Variants in AKAP13 observed in about 807,000 individuals in gnomAD.
AKAP13 encodes A-kinase anchor protein 13.
In AKAP13, 80 loss-of-function variants were observed where a neutral mutation model predicts 264.5. That is an observed-to-expected ratio of 0.30 (90% CI 0.25 to 0.36). AKAP13 has a LOEUF of 0.36. Among genes scored for constraint, AKAP13 ranks in the 10% least tolerant of loss-of-function variants. AKAP13 has a pLI of 1.00. For missense variants in AKAP13, 3,712 were observed against 3,435.2 expected, an observed-to-expected ratio of 1.08 and a Z score of -2.01; for synonymous variants, 1,380 against 1,250.2, an observed-to-expected ratio of 1.10 and a Z score of -2.19.
At position 85,719,221 on chromosome 15, in the gene AKAP13, T is replaced by C. The variant is rs779840286; in HGVS notation, c.6147T>C (p.His2049=). The stretch of plus-strand genomic sequence containing the variant: ...GTTTGGATGAGCTGATCAGTATCCA[T>C]AGCCAATTCTTCCAGAGGATTCTGG... ...FPCLDELISI[H]SQFFQRILER... is the part of the protein sequence containing the mutation. Residue 2049 remains histidine, a synonymous_variant, in exon 23 of 37, where the codon CAT becomes CAC. Transcript: ENST00000394518. 1.8e-5 allele frequency: 29 copies of C among 1,614,074 alleles called. No individual in the cohort carries two copies. The highest frequency in any genetic ancestry group is 6.7e-5 in the East Asian group (3 of 44,894).
In AKAP13 at chr15:85,667,049, CTG is replaced by C. The variant is rs577672612; in HGVS notation, c.4992+2296_4992+2297del. Among the ~76,000 whole-genome samples, 87 of 152,198 alleles carry C rather than the reference CTG, an allele frequency of 5.7e-4. No homozygotes were observed. The East Asian group carries it at 7.9e-3, about 14-fold the overall frequency. ...GAAACACTTACAATTTAAAAAAAAA[CTG>C]TTTTTGAATAGATGACTGGAGTTTG... On this transcript the variant is annotated intron_variant, in intron 13 of 36. Coordinates refer to ENST00000394518, the MANE Select transcript of AKAP13 (RefSeq NM_007200.5).
rs752255939 is a variant in AKAP13 at position 85,580,450 on chromosome 15, A to G, written c.2382A>G (p.Glu794=). ...TFSLANSPGS[E]SVTKDDALSF... is the part of the protein sequence containing the mutation. ...CTCTGGCAAACAGTCCAGGCAGTGA[A>G]TCAGTAACCAAGGATGACGCACTTT... Residue 794 remains glutamate, a synonymous_variant, in exon 7 of 37, where the codon GAA becomes GAG. Coordinates refer to ENST00000394518, the MANE Select transcript of AKAP13 (RefSeq NM_007200.5). The G allele has an allele frequency of 3.1e-6, 5 of 1,614,250 alleles. No homozygotes were observed. The Admixed American group carries it at 5.0e-5, about 16-fold the overall frequency.
rs772699182 is a variant in AKAP13, at chr15:85,744,683, T to C, written c.*6T>C. ...GTGAAGAGATCTTCTGCTGACCCTC[T>C]TCCTCTCTGCTGAGGCAGCTGCCTC... On this transcript the variant is annotated 3_prime_UTR_variant, in exon 37 of 37. Transcript: ENST00000394518. 1.3e-5 allele frequency: 21 copies of C among 1,601,360 alleles called. No individual in the cohort carries two copies. In the East Asian group the frequency reaches 4.7e-4, roughly 36 times the overall value.
At chr15:85,421,184 C>A (rs1187195296) in intron 1 of AKAP13, among the ~76,000 whole-genome samples, 1 of 152,144 alleles carries the variant, frequency 6.6e-6, no homozygotes, top group African/African-American at 2.4e-5. Flanking sequence ...CAGTCCAAGG[C>A]ACATATAATT....
At position 85,723,272 on chromosome 15, in the gene AKAP13, G is replaced by A. The variant is rs376932632; in HGVS notation, c.6697G>A (p.Val2233Ile). Residue 2233 changes from valine to isoleucine, a missense_variant, in exon 26 of 37, where the codon GTA (valine) becomes ATA (isoleucine). Val to Ile is a conservative substitution (Grantham distance 29, BLOSUM62 3). Coordinates refer to ENST00000394518, the MANE Select transcript of AKAP13 (RefSeq NM_007200.5). Reference protein sequence around the residue: ...AKEDLKRKKLVRDGSVFLKNA... With the variant: ...AKEDLKRKKLIRDGSVFLKNA... ...GGAAGATTTGAAACGGAAGAAGCTTGTACGTGATGGGAGTGTGTTTCTGAA... is the reference window on the plus strand; with the variant it reads ...GGAAGATTTGAAACGGAAGAAGCTTATACGTGATGGGAGTGTGTTTCTGAA... The A allele has an allele frequency of 6.2e-7, 1 of 1,614,146 alleles. No homozygotes were observed. The highest frequency in any genetic ancestry group is 1.1e-5 in the South Asian group (1 of 91,078).
chr15:85,420,461 A>G (rs1296946236), intron 1 of AKAP13, among the ~76,000 whole-genome samples: 3 of 152,162 alleles, frequency 2.0e-5, no homozygotes, highest in Admixed American at 6.5e-5. Context: ...GAATGGATGC[A>G]GGGTATGGTA....
At chr15:85,595,923 C>CA (rs2079804910) in intron 8 of AKAP13, among the ~76,000 whole-genome samples, 1 of 152,104 alleles carries the variant, frequency 6.6e-6, no homozygotes, top group Admixed American at 6.5e-5. Flanking sequence ...GAAATTGAAA[C>CA]AAGTAGTATT....
At position 85,534,088 on chromosome 15, in the gene AKAP13, C is replaced by G. The variant is rs1051895147; in HGVS notation, c.478+208C>G. 3 of 530,214 alleles carry G rather than the reference C, an allele frequency of 5.7e-6. No individual in the cohort carries two copies. The African/African-American group carries it at 5.8e-5, about 10-fold the overall frequency. 32.8% of individuals were successfully genotyped at this position (530,214 alleles called of 1,614,324 possible). On this transcript the variant is annotated intron_variant, in intron 4 of 36. Coordinates refer to ENST00000394518, the MANE Select transcript of AKAP13 (RefSeq NM_007200.5). ...AAGCATGTTGTTGCAGCGAAATGAC[C>G]CTAGGGATTACCCAAGGAGAGTGGC... is the stretch of plus-strand genomic sequence containing the variant.
intron 1 of AKAP13, among the ~76,000 whole-genome samples, chr15:85,456,761 A>G (rs1034452345): frequency 6.6e-6 from 1 of 152,182 alleles, no homozygotes; most frequent in Non-Finnish European, 1.5e-5. Context: ...CGTGTTAGCC[A>G]GGATGGTCTT....
At chr15:85,609,260 A>G (rs1050195462) in intron 8 of AKAP13, among the ~76,000 whole-genome samples, 2 of 152,024 alleles carry the variant, frequency 1.3e-5, no homozygotes, top group Non-Finnish European at 2.9e-5. Flanking sequence ...ACCTCTCCCC[A>G]TTCTCTTCTC....
chr15:85,673,774 C>T (rs1336596135), intron 14 of AKAP13, among the ~76,000 whole-genome samples: 5 of 147,564 alleles, frequency 3.4e-5, no homozygotes, highest in African/African-American at 1.3e-4. Context: ...CAAGCTCTGC[C>T]TCCCGGGTTC....
chr15:85,449,255 G>T (rs1350648416), intron 1 of AKAP13, among the ~76,000 whole-genome samples: 2 of 152,142 alleles, frequency 1.3e-5, no homozygotes, highest in Non-Finnish European at 2.9e-5. Context: ...AGGAATGCTA[G>T]TGATTTTTGT....
chr15:85,607,047 A>G (rs2080383526), intron 8 of AKAP13, among the ~76,000 whole-genome samples: 1 of 151,886 alleles, frequency 6.6e-6, no homozygotes, highest in African/African-American at 2.4e-5. Context: ...CCTCAGATGA[A>G]GAGGCTTTTT....
chr15:85,634,484 GT>G (rs936601360), intron 8 of AKAP13, among the ~76,000 whole-genome samples: 2 of 152,088 alleles, frequency 1.3e-5, no homozygotes, highest in Non-Finnish European at 2.9e-5. Flanking sequence ...TGATTAAAGG[GT>G]TATAATGTTA....
At chr15:85,449,299 G>A (rs577228229) in intron 1 of AKAP13, among the ~76,000 whole-genome samples, 1 of 152,202 alleles carries the variant, frequency 6.6e-6, no homozygotes, top group Admixed American at 6.5e-5. Flanking sequence ...CTTTGCTGAA[G>A]TTGTTTATCA....
chr15:85,724,659 G>T lies in AKAP13; in HGVS notation c.6745+1339G>T, dbSNP rs1392018744. Among the ~76,000 whole-genome samples the T allele has an allele frequency of 6.6e-6, 1 of 151,514 alleles. No homozygotes were observed. The highest frequency in any genetic ancestry group is 1.5e-5 in the Non-Finnish European group (1 of 67,944). ...TGATGAGGGAAGGGGGCAAAGAATG[G>T]GTTCAAAAACGAGAACGGCAAGCAG... On this transcript the variant is annotated intron_variant, in intron 26 of 36. Coordinates refer to ENST00000394518, the MANE Select transcript of AKAP13 (RefSeq NM_007200.5). This position sits in a 1 kb window ranked among gnomAD's most constrained non-coding sequence, Gnocchi z 4.2.
chr15:85,736,325 C>G (rs764767904), intron 33 of AKAP13, among the ~76,000 whole-genome samples, 191 bp downstream of exon 33: 17 of 152,038 alleles, frequency 1.1e-4, no homozygotes, highest in Non-Finnish European at 2.2e-4. Context: ...CCTAGGGGCA[C>G]CATCTTGGAA....
chr15:85,579,483 A>T lies in AKAP13; in HGVS notation c.1415A>T (p.Asn472Ile), dbSNP rs1256078191. The T allele has an allele frequency of 6.2e-7, 1 of 1,614,146 alleles. No individual in the cohort carries two copies. Among genetic ancestry groups the T allele is most frequent in the Admixed American group, 1.7e-5 (1 of 60,026 alleles). Residue 472 changes from asparagine to isoleucine, a missense_variant, in exon 7 of 37, where the codon AAT becomes ATT. By Grantham distance (149) the Asn-to-Ile change is moderately radical. Transcript: ENST00000394518. The stretch of plus-strand genomic sequence containing the variant: ...GAACTGGGAGGCATTTCAACAACAA[A>T]TGTCAGTACCCCAGACACTGCAGGG... ...GGELGGISTT[N>I]VSTPDTAGEM...
chr15:85,669,612 C>G, intron 13 of AKAP13, 110 bp from the exon 14 acceptor site: 1 of 750,754 alleles, frequency 1.3e-6, no homozygotes, highest in East Asian at 3.0e-5. Context: ...CTCTCACCCG[C>G]TTCTTCACTG....
Sources: gnomAD v4.1 joint callset for allele counts (sites outside exome capture counted in the v4.1 genomes callset) on GRCh38, gnomAD v4.1.1 for gene constraint, Gnocchi (gnomAD v3.1) non-coding constraint, MANE v1.5 for transcripts, NCBI Gene and HGNC (gene_info 2026-07-23, HGNC 2026-07-21) for gene names.